CDH18: variants seen among roughly 807,000 people sequenced by gnomAD.
CDH18 encodes the protein cadherin-18.
Under a neutral mutation model 67.9 loss-of-function variants are expected in CDH18, and 31 were observed. The observed-to-expected ratio is 0.46, with a 90% CI of 0.34 to 0.62. CDH18 has a LOEUF of 0.62. CDH18 is among the 20% of genes least tolerant of loss of function. CDH18 has a pLI of 0.01. For missense variants in CDH18, 890 were observed against 975.5 expected (o/e 0.91, Z 1.17); for synonymous variants, 362 against 347.2 (o/e 1.04, Z -0.48).
intron 1 of CDH18, among the ~76,000 whole-genome samples, chr5:19,986,792 C>T (rs903591058): frequency 2.6e-5 from 4 of 152,168 alleles, no homozygotes; most frequent in Non-Finnish European, 5.9e-5. Flanking sequence ...TATGTAAGAT[C>T]TAGGCTGGAC....
chr5:20,409,240 G>A (rs1049899603), intron 1 of CDH18, among the ~76,000 whole-genome samples: 4 of 151,636 alleles, frequency 2.6e-5, no homozygotes, highest in East Asian at 3.9e-4. Context: ...AAGTGTACAC[G>A]AAACATTCTT....
intron 1 of CDH18, among the ~76,000 whole-genome samples, chr5:20,510,438 A>G (rs2126481916): frequency 6.6e-6 from 1 of 152,300 alleles, no homozygotes; most frequent in African/African-American, 2.4e-5. Flanking sequence ...ATTACAAATT[A>G]CGGGATTTCC....
intron 2 of CDH18, among the ~76,000 whole-genome samples, chr5:19,939,096 C>T (rs1043710854): frequency 6.6e-6 from 1 of 151,108 alleles, no homozygotes; most frequent in Non-Finnish European, 1.5e-5. Context: ...GAGGATAGAA[C>T]TAATACTTTC....
intron 1 of CDH18, among the ~76,000 whole-genome samples, chr5:20,391,945 C>CA (rs33980329): frequency 0.99 from 150,414 of 151,988 alleles, 74,453 homozygotes; most frequent in Middle Eastern, 1. Flanking sequence ...ATTGTTATAG[C>CA]ATAAACAGCC....
At chr5:20,334,491 G>A (rs2150031989) in intron 1 of CDH18, among the ~76,000 whole-genome samples, 1 of 152,132 alleles carries the variant, frequency 6.6e-6, no homozygotes, top group East Asian at 1.9e-4. Flanking sequence ...GCAGAGAGAT[G>A]ATTCAGACGA....
At chr5:20,416,396 A>G (rs1201567243) in intron 1 of CDH18, among the ~76,000 whole-genome samples, 1 of 152,114 alleles carries the variant, frequency 6.6e-6, no homozygotes, top group East Asian at 1.9e-4. Flanking sequence ...AGAGAAGCCT[A>G]TAATTCTAAG....
chr5:19,779,898 G>GC (rs1317500782), intron 3 of CDH18, among the ~76,000 whole-genome samples: 1 of 152,086 alleles, frequency 6.6e-6, no homozygotes, highest in Non-Finnish European at 1.5e-5. Context: ...ATAAGACATA[G>GC]ACTAACAAGT....
At chr5:20,172,856 G>A (rs1459115239) in intron 2 of CDH18, among the ~76,000 whole-genome samples, 1 of 151,926 alleles carries the variant, frequency 6.6e-6, no homozygotes, top group Non-Finnish European at 1.5e-5. Context: ...CAGGCATGGT[G>A]GCACATGCCT....
chr5:19,480,351 T>TTTTTTTTA (rs1554022244), intron 12 of CDH18, among the ~76,000 whole-genome samples: 1 of 145,420 alleles, frequency 6.9e-6, no homozygotes, highest in Admixed American at 6.9e-5. Context: ...ATAAAGTTTA[T>TTTTTTTTA]TTTATTTATT....
intron 2 of CDH18, among the ~76,000 whole-genome samples, chr5:20,053,326 C>G (rs1741609295): frequency 6.6e-6 from 1 of 151,730 alleles, no homozygotes; most frequent in African/African-American, 2.4e-5. Flanking sequence ...CACACACACA[C>G]ACACAAAGGT....
chr5:20,299,018 G>A (rs115054813), intron 1 of CDH18, among the ~76,000 whole-genome samples: 188 of 152,208 alleles, frequency 1.2e-3, no homozygotes, highest in Non-Finnish European at 2.2e-3. Flanking sequence ...TAGGCATGAC[G>A]GTTGGAAAAA....
chr5:19,850,828 C>T (rs1486365166), intron 2 of CDH18, among the ~76,000 whole-genome samples: 1 of 151,816 alleles, frequency 6.6e-6, no homozygotes, highest in East Asian at 1.9e-4. Flanking sequence ...TTTACTTTTA[C>T]TATCTGAGAA....
chr5:19,585,346 A>C (rs1441543614), intron 7 of CDH18, among the ~76,000 whole-genome samples: 1 of 152,140 alleles, frequency 6.6e-6, no homozygotes, highest in African/African-American at 2.4e-5. Flanking sequence ...CTTTTTGTCA[A>C]TATGAAGTTG....
intron 2 of CDH18, among the ~76,000 whole-genome samples, chr5:20,138,042 G>T (rs1165485286): frequency 6.6e-6 from 1 of 151,950 alleles, no homozygotes; most frequent in African/African-American, 2.4e-5. Flanking sequence ...TATCCCTGAT[G>T]AACATTGATG....
At chr5:20,409,400 A>G (rs1746575246) in intron 1 of CDH18, among the ~76,000 whole-genome samples, 1 of 151,812 alleles carries the variant, frequency 6.6e-6, no homozygotes, top group Non-Finnish European at 1.5e-5. Flanking sequence ...TAAATTAAAC[A>G]ATATACATTT....
intron 9 of CDH18, among the ~76,000 whole-genome samples, chr5:19,537,258 C>T (rs1749562888): frequency 6.6e-6 from 1 of 152,102 alleles, no homozygotes; most frequent in Non-Finnish European, 1.5e-5. Flanking sequence ...GGTTCTATAG[C>T]AGTCTGCCTG....
intron 1 of CDH18, among the ~76,000 whole-genome samples, chr5:20,316,221 A>G (rs1291088810): frequency 6.6e-6 from 1 of 152,096 alleles, no homozygotes; most frequent in African/African-American, 2.4e-5. Context: ...ATGAGTTTAA[A>G]TATTGTATGA....
At chr5:19,689,028 T>C (rs142403730) in intron 5 of CDH18, among the ~76,000 whole-genome samples, 1,822 of 152,200 alleles carry the variant, frequency 0.012, 35 homozygotes, top group African/African-American at 0.042. Context: ...CTATGTCACA[T>C]ATAGAACATC....
At chr5:19,589,178 C>A (rs988197003) in intron 7 of CDH18, among the ~76,000 whole-genome samples, 1 of 152,026 alleles carries the variant, frequency 6.6e-6, no homozygotes, top group African/African-American at 2.4e-5. Context: ...TGATAATCAC[C>A]CAGTCAATCC....
Sources: gnomAD v4.1 joint callset for allele counts (sites outside exome capture counted in the v4.1 genomes callset) on GRCh38, gnomAD v4.1.1 for gene constraint, MANE v1.5 for transcripts, NCBI Gene and HGNC (gene_info 2026-07-23, HGNC 2026-07-21) for gene names.